The following ANTXRL variants were observed in gnomAD, a reference collection of about 807,000 sequenced individuals.
The protein encoded by ANTXRL is anthrax toxin receptor-like.
In ANTXRL, 63 loss-of-function variants were observed where a neutral mutation model predicts 75.4. The ratio of observed to expected loss-of-function variants is 0.84; its 90% CI spans 0.68 to 1.03. ANTXRL has a LOEUF of 1.03. Among genes scored for constraint, ANTXRL ranks in the 50% least tolerant of loss-of-function variants. ANTXRL has a pLI of 0.00. For missense variants in ANTXRL, 797 were observed against 789.4 expected (o/e 1.01, Z -0.12); for synonymous variants, 335 against 291.3 (o/e 1.15, Z -1.53).
intron 9 of ANTXRL, among the ~76,000 whole-genome samples, chr10:46,302,482 A>G (rs1469926948): frequency 6.6e-6 from 1 of 152,112 alleles, no homozygotes; most frequent in Non-Finnish European, 1.5e-5. Context: ...TTGGTTCAGG[A>G]ATGGTAGGGA....
chr10:46,297,623 G>C (rs1837461264), intron 7 of ANTXRL, 149 bp downstream of exon 7: 8 of 895,430 alleles, frequency 8.9e-6, no homozygotes, highest in Non-Finnish European at 1.0e-5. Context: ...TTGACAGCAT[G>C]TTGTATAAAT....
intron 5 of ANTXRL, 119 bp from the exon 6 acceptor site, chr10:46,297,133 C>T (rs1197238093): frequency 1.9e-5 from 15 of 801,650 alleles, no homozygotes; most frequent in African/African-American, 1.2e-4. Flanking sequence ...GGTGGGGGCA[C>T]GTGGCCATGC....
chr10:46,292,785 AG>A (rs1221136097), intron 2 of ANTXRL: 2 of 153,392 alleles, frequency 1.3e-5, no homozygotes, highest in African/African-American at 4.8e-5. Context: ...ATGGCACTTA[AG>A]GAAGAAAAGT....
In ANTXRL at chr10:46,326,724, C is replaced by T. The variant is rs531340079; in HGVS notation, c.1411-2875C>T. ...GTCCAGCACATCCTGATGGAGTGAC[C>T]TGCACTCTGGGTCCAGTCGGCTTGT... On this transcript the variant is annotated intron_variant, in intron 16 of 16. Coordinates refer to ENST00000620264, the MANE Select transcript of ANTXRL (RefSeq NM_001278688.3). 4.6e-5 allele frequency among the ~76,000 whole-genome samples: 7 copies of T among 152,214 alleles called. No individual in the cohort carries two copies. In the East Asian group the frequency reaches 1.4e-3, roughly 30 times the overall value.
chr10:46,297,346 T>C lies in ANTXRL; in HGVS notation c.585+18T>C, dbSNP rs1554959085. On this transcript the variant is annotated intron_variant, in intron 6 of 16. Coordinates refer to ENST00000620264, the MANE Select transcript of ANTXRL (RefSeq NM_001278688.3). ...TCAGAGAAGTGAGTCCAGTTCATAC[T>C]TACCAGCATTTTGCTCCATGTATTT... 1 of 1,536,270 alleles carries C rather than the reference T, an allele frequency of 6.5e-7. No individual in the cohort carries two copies. Among genetic ancestry groups the C allele is most frequent in the South Asian group, 1.2e-5 (1 of 84,054 alleles).
intron 16 of ANTXRL, among the ~76,000 whole-genome samples, chr10:46,325,045 G>C (rs2132918992): frequency 6.6e-6 from 1 of 152,190 alleles, no homozygotes; most frequent in Middle Eastern, 3.4e-3. Context: ...TTTAAAGTAG[G>C]GTTTATGCTG....
chr10:46,297,384 T>A (rs1554959104), intron 6 of ANTXRL, 22 bp from the exon 7 acceptor site: 1 of 1,536,112 alleles, frequency 6.5e-7, no homozygotes, highest in South Asian at 1.2e-5. Context: ...ATGACCAATA[T>A]GCAATGCCTT....
chr10:46,327,213 G>A (rs1839261817), intron 16 of ANTXRL, among the ~76,000 whole-genome samples: 1 of 152,150 alleles, frequency 6.6e-6, no homozygotes, highest in South Asian at 2.1e-4. Context: ...ATTGCCTGAA[G>A]GCAGGGTATG....
chr10:46,293,858 A>G lies in ANTXRL; in HGVS notation c.350A>G (p.Tyr117Cys). 1 of 1,535,430 alleles carries G rather than the reference A, an allele frequency of 6.5e-7. No homozygotes were observed. Reference protein sequence around the residue: ...SPNIRMCFITYSTDGQTVLPL... With the variant: ...SPNIRMCFITCSTDGQTVLPL... ...AATATTCGGATGTGCTTCATCACCT[A>G]CTCCACAGACGGCCAGACTGTCTTG... The change falls in exon 3 of 17, where the codon TAC (tyrosine) becomes TGC (cysteine). Residue 117 changes from tyrosine to cysteine, a missense_variant. Around this residue, in one of 3 missense-constraint regions of ANTXRL, gnomAD observed 262 missense variants for 271.9 expected, o/e 0.96. Coordinates refer to ENST00000620264, the MANE Select transcript of ANTXRL (RefSeq NM_001278688.3).
At chr10:46,295,624 GGA>G (rs1837330483) in intron 3 of ANTXRL, among the ~76,000 whole-genome samples, 15 of 57,916 alleles carry the variant, frequency 2.6e-4, no homozygotes, top group Non-Finnish European at 3.9e-4. Flanking sequence ...GTTAGAGTTA[GGA>G]ATGTCAACCC....
At chr10:46,310,556 A>G in intron 14 of ANTXRL, 57 bp downstream of exon 14, 1 of 1,503,974 alleles carries the variant, frequency 6.6e-7, no homozygotes, top group Non-Finnish European at 8.9e-7. Context: ...ACTGACCTTC[A>G]CCAAGAGTGC....
rs1345312777 is a variant in ANTXRL, at chr10:46,329,798, G to A, written c.1610G>A (p.Ser537Asn). The A allele has an allele frequency of 1.4e-5, 21 of 1,533,174 alleles. No homozygotes were observed. The East Asian group carries it at 3.7e-4, about 27-fold the overall frequency. 95.0% of individuals were successfully genotyped at this position (1,533,174 alleles called of 1,614,324 possible). A position where few individuals can be genotyped will look rare whatever the true frequency, so the allele number is the denominator to read the frequency against. ...RCSPNICLRH[S>N]QHSRECLARK... ...AGCCCAAACATCTGCCTGAGACACA[G>A]CCAACACAGCAGGGAGTGCCTTGCC... The change falls in exon 17 of 17, where the codon AGC becomes AAC. Residue 537 changes from serine to asparagine, a missense_variant. Coordinates refer to ENST00000620264, the MANE Select transcript of ANTXRL (RefSeq NM_001278688.3).
chr10:46,307,029 G>A (rs568916922), intron 11 of ANTXRL, among the ~76,000 whole-genome samples, 157 bp downstream of exon 11: 2 of 152,210 alleles, frequency 1.3e-5, no homozygotes, highest in Admixed American at 1.3e-4. Context: ...TCCCTTGTTA[G>A]TGACCCCCAA....
chr10:46,306,042 A>G (rs1401541368), intron 10 of ANTXRL, among the ~76,000 whole-genome samples: 8 of 152,060 alleles, frequency 5.3e-5, no homozygotes, highest in African/African-American at 1.7e-4. Flanking sequence ...CAGGGCCCAC[A>G]AGGCCCTGCC....
At chr10:46,308,375 G>A (rs566622356) in intron 12 of ANTXRL, 248 of 415,622 alleles carry the variant, frequency 6.0e-4, no homozygotes, top group African/African-American at 4.4e-3. Context: ...TCAGCCAGCC[G>A]GGTTCCCAGC....
chr10:46,314,592 A>G (rs4495839), intron 16 of ANTXRL, among the ~76,000 whole-genome samples: 66,267 of 151,292 alleles, frequency 0.44, 14,110 homozygotes, highest in Admixed American at 0.48. Flanking sequence ...AAGTCGCTGA[A>G]ATTGTCTCAT....
rs1437017296 is a variant in ANTXRL at position 46,312,429 on chromosome 10, G to A, written c.1329+764G>A. 7.5e-5 allele frequency among the ~76,000 whole-genome samples: 11 copies of A among 147,108 alleles called. 1 individual carries two copies. Among genetic ancestry groups the A allele is most frequent in the African/African-American group, 2.7e-4 (11 of 40,394 alleles). ...GACCCTGCACAGGGGTAGAGAGGGC[G>A]CCTGGGTGGCTGGTGTTGAGGGAGA... On this transcript the variant is annotated intron_variant, in intron 15 of 16. Coordinates refer to ENST00000620264, the MANE Select transcript of ANTXRL (RefSeq NM_001278688.3).
At chr10:46,311,124 G>A (rs1178824178) in intron 14 of ANTXRL, among the ~76,000 whole-genome samples, 1 of 152,084 alleles carries the variant, frequency 6.6e-6, no homozygotes, top group African/African-American at 2.4e-5. Flanking sequence ...GGAGGCCCTG[G>A]GCCTGGGATG....
At chr10:46,297,508 A>G (rs4615963) in intron 7 of ANTXRL, 34 bp downstream of exon 7, 695,727 of 1,524,832 alleles carry the variant, frequency 0.46, 152,369 homozygotes, top group Non-Finnish European at 0.48. Flanking sequence ...CGCCACTTTC[A>G]AGCCTAGTGG....
Sources: gnomAD v4.1 joint callset for allele counts (sites outside exome capture counted in the v4.1 genomes callset) on GRCh38, gnomAD v4.1.1 for gene constraint, gnomAD v4.1.1 regional missense constraint, MANE v1.5 for transcripts, NCBI Gene and HGNC (gene_info 2026-07-23, HGNC 2026-07-21) for gene names.